The following RTKN2 variants were observed in gnomAD, a reference collection of about 807,000 sequenced individuals.
RTKN2 encodes the protein rhotekin-2.
RTKN2 carries 69 observed loss-of-function variants against 71.5 expected under a neutral mutation model. That is an observed-to-expected ratio of 0.96 (90% CI 0.79 to 1.18). The LOEUF (loss-of-function observed/expected upper bound fraction) is 1.18. Ranked by LOEUF, RTKN2 falls within the 50% of genes most tolerant of loss-of-function variation. The pLI is 0.00. For synonymous variants in RTKN2, 236 were observed against 236.5 expected (o/e 1.00, Z 0.02); for missense variants, 724 against 719.7 (o/e 1.01, Z -0.07).
In RTKN2 at chr10:62,193,452, T is replaced by C; in HGVS notation, c.*4456A>G. 1.0e-6 allele frequency: 1 copy of C among 982,652 alleles called. No homozygotes were observed. Among genetic ancestry groups the C allele is most frequent in the Non-Finnish European group, 1.2e-6 (1 of 827,396 alleles). 60.9% of individuals were successfully genotyped at this position (982,652 alleles called of 1,614,324 possible). Reference sequence around the variant, plus strand: ...ATGTTTGTTAAAATTTCTGTAACTTTTTTTGTTGTTAATTGAATGTAAAGG... The same window carrying C: ...ATGTTTGTTAAAATTTCTGTAACTTCTTTTGTTGTTAATTGAATGTAAAGG... On this transcript the variant is annotated 3_prime_UTR_variant, in exon 12 of 12. Transcript: ENST00000373789.
At chr10:62,210,083 AT>A (rs1165094890) in intron 9 of RTKN2, among the ~76,000 whole-genome samples, 1 of 152,144 alleles carries the variant, frequency 6.6e-6, no homozygotes, top group Non-Finnish European at 1.5e-5. Flanking sequence ...CCCACCAACA[AT>A]GTATGAGCAT....
Position 62,195,249 on chromosome 10 carries a change from T to C in RTKN2, c.*2659A>G, listed in dbSNP as rs1841299503. 1.0e-6 allele frequency: 1 copy of C among 981,824 alleles called. No individual in the cohort carries two copies. Among genetic ancestry groups the C allele is most frequent in the African/African-American group, 1.7e-5 (1 of 57,282 alleles). The allele number at this position is 981,824 out of a possible 1,614,324, so 60.8% of individuals were successfully genotyped here. On this transcript the variant is annotated 3_prime_UTR_variant, in exon 12 of 12. Transcript: ENST00000373789. ...ATATTATCAAGAGCTGACAGCTAAC[T>C]CTTTGTTTCAAGTTTATAGTCTTCA...
intron 5 of RTKN2, chr10:62,238,319 T>C (rs1028087807): frequency 6.6e-6 from 1 of 151,996 alleles, no homozygotes; most frequent in African/African-American, 2.4e-5. Flanking sequence ...TGTAGAACAT[T>C]TGTCAGCAGT....
At chr10:62,253,352 A>G (rs1842616158) in intron 2 of RTKN2, among the ~76,000 whole-genome samples, 1 of 152,192 alleles carries the variant, frequency 6.6e-6, no homozygotes, top group Non-Finnish European at 1.5e-5. Context: ...CTAAAGCACA[A>G]TGTACAGAAG....
intron 1 of RTKN2, 99 bp downstream of exon 1, chr10:62,268,452 C>A: frequency 1.8e-6 from 2 of 1,115,474 alleles, no homozygotes; most frequent in Non-Finnish European, 2.7e-6. Context: ...AATAGAGGAG[C>A]GGGGGAGAGG....
At chr10:62,268,424 G>T in intron 1 of RTKN2, 127 bp downstream of exon 1, 1 of 935,920 alleles carries the variant, frequency 1.1e-6, no homozygotes. Flanking sequence ...CCCTCCCTTT[G>T]TTTCTGGCCA....
downstream of RTKN2, among the ~76,000 whole-genome samples, chr10:62,189,058 CTT>C (rs34303718): frequency 2.7e-3 from 360 of 135,564 alleles, no homozygotes; most frequent in Middle Eastern, 0.015. Flanking sequence ...ATATTTCCTA[CTT>C]TTTTTTTTTT....
At position 62,215,090 on chromosome 10, in the gene RTKN2, G is replaced by A. The variant is rs771567719; in HGVS notation, c.1020+2028C>T. The A allele has an allele frequency of 7.4e-6, 11 of 1,492,412 alleles. No individual in the cohort carries two copies. The South Asian group carries it at 9.9e-5, about 13-fold the overall frequency. The allele number at this position is 1,492,412 out of a possible 1,614,324, so 92.4% of individuals were successfully genotyped here. A position where few individuals can be genotyped will look rare whatever the true frequency, so the allele number is the denominator to read the frequency against. On this transcript the variant is annotated intron_variant, in intron 9 of 11. Transcript: ENST00000373789. ...GAGACTGTCTTCAAATAAAACTAAT[G>A]ACTTCAAAAATATCATTTGTTTAGA... is the stretch of plus-strand genomic sequence containing the variant.
chr10:62,264,689 T>C (rs957367887), intron 1 of RTKN2, among the ~76,000 whole-genome samples: 2 of 152,176 alleles, frequency 1.3e-5, no homozygotes, highest in Non-Finnish European at 2.9e-5. Context: ...AATGATACAA[T>C]GAAACAGGCA....
rs1342986182 is a variant in RTKN2 at position 62,194,419 on chromosome 10, C to T, written c.*3489G>A. 1 of 978,920 alleles carries T rather than the reference C, an allele frequency of 1.0e-6. No homozygotes were observed. The highest frequency in any genetic ancestry group is 1.1e-4 in the East Asian group (1 of 8,792). The allele number at this position is 978,920 out of a possible 1,614,324, so 60.6% of individuals were successfully genotyped here. ...ACTTTACATTATAATTTAAGACTAA[C>T]AGTGAAGATGGCTACTAGAATATAA... On this transcript the variant is annotated 3_prime_UTR_variant, in exon 12 of 12. Coordinates refer to ENST00000373789, the MANE Select transcript of RTKN2 (RefSeq NM_145307.4).
At chr10:62,259,107 A>G (rs1469052290) in intron 2 of RTKN2, 1 of 414,166 alleles carries the variant, frequency 2.4e-6, no homozygotes, top group Non-Finnish European at 4.8e-6. Flanking sequence ...TTCTCATGAT[A>G]GTGAGTAAGT....
intron 3 of RTKN2, among the ~76,000 whole-genome samples, chr10:62,243,051 T>C (rs945306731): frequency 1.1e-4 from 17 of 151,962 alleles, no homozygotes; most frequent in African/African-American, 3.6e-4. Context: ...GTTACATATG[T>C]ATACATGTGC....
chr10:62,266,040 G>A (rs1181169774), intron 1 of RTKN2, among the ~76,000 whole-genome samples: 1 of 152,164 alleles, frequency 6.6e-6, no homozygotes, highest in Non-Finnish European at 1.5e-5. Context: ...AATGAGGTAA[G>A]GCCATCATAC....
chr10:62,212,298 G>C (rs906105149), intron 9 of RTKN2, among the ~76,000 whole-genome samples: 1 of 151,772 alleles, frequency 6.6e-6, no homozygotes, highest in African/African-American at 2.4e-5. Flanking sequence ...GAACCTGGGA[G>C]GTGGAGGTTG....
chr10:62,261,341 A>T (rs769995951), intron 2 of RTKN2, among the ~76,000 whole-genome samples: 6 of 152,180 alleles, frequency 3.9e-5, no homozygotes, highest in Non-Finnish European at 8.8e-5. Flanking sequence ...AGGCACAAGG[A>T]GATTAAAATA....
At chr10:62,217,699 C>T (rs2132886838) in intron 8 of RTKN2, among the ~76,000 whole-genome samples, 1 of 152,258 alleles carries the variant, frequency 6.6e-6, no homozygotes, top group South Asian at 2.1e-4. Flanking sequence ...ATTTTCTTTC[C>T]TCCTAATGGA....
chr10:62,198,385 T>A lies in RTKN2; in HGVS notation c.1353A>T (p.Glu451Asp). 6.3e-7 allele frequency: 1 copy of A among 1,594,942 alleles called. No homozygotes were observed. The highest frequency in any genetic ancestry group is 1.2e-5 in the South Asian group (1 of 86,764). ...CAATAAGGAACTGCCCATTTGTCTC[T>A]TCAATTTTTTTTTGTATTATATCCG... is the stretch of plus-strand genomic sequence containing the variant. ...SLTDIIQKKI[E>D]ETNGQFLIGQ... The change falls in exon 12 of 12, where the codon GAA becomes GAT. Residue 451 changes from glutamate (E) to aspartate (D), a missense_variant. Transcript: ENST00000373789.
At chr10:62,201,969 T>C (rs1355200044) in intron 10 of RTKN2, among the ~76,000 whole-genome samples, 1 of 152,186 alleles carries the variant, frequency 6.6e-6, no homozygotes, top group African/African-American at 2.4e-5. Context: ...TTTCCTAAAA[T>C]ACCATTTACT....
intron 1 of RTKN2, among the ~76,000 whole-genome samples, chr10:62,263,423 C>T (rs139742704): frequency 1.5e-3 from 232 of 152,322 alleles, no homozygotes; most frequent in African/African-American, 5.4e-3. Flanking sequence ...TGATTTCAGA[C>T]GTCTGGCCTC....
Sources: allele counts gnomAD v4.1 joint callset (sites outside exome capture counted in the v4.1 genomes callset), GRCh38; gene constraint gnomAD v4.1.1; transcripts MANE v1.5; gene names NCBI Gene and HGNC (gene_info 2026-07-23, HGNC 2026-07-21).